FECH: variants seen among roughly 807,000 people sequenced by gnomAD.
FECH encodes ferrochelatase, also known as ferrochelatase, mitochondrial.
Under a neutral mutation model 56.9 loss-of-function variants are expected in FECH, and 40 were observed. The observed-to-expected ratio is 0.70, with a 90% CI of 0.55 to 0.92. FECH has a LOEUF of 0.92. Ranked by LOEUF, FECH falls within the 40% of genes least tolerant of loss-of-function variation. The pLI is 0.00. For synonymous variants in FECH, 175 were observed against 198.6 expected (o/e 0.88, Z 1.00); for missense variants, 431 against 529.1 (o/e 0.81, Z 1.82).
At chr18:57,563,616 T>G (rs1468274404) in intron 5 of FECH, among the ~76,000 whole-genome samples, 2 of 147,676 alleles carry the variant, frequency 1.4e-5, no homozygotes, top group Non-Finnish European at 3.0e-5. Context: ...TATGTTATTT[T>G]TTTTCCAGTT....
intron 3 of FECH, 97 bp downstream of exon 3, chr18:57,573,149 C>T (rs555837619): frequency 1.9e-5 from 22 of 1,163,254 alleles, no homozygotes; most frequent in Middle Eastern, 3.9e-4. Flanking sequence ...TTACCAGATA[C>T]GCATTAAAAC....
chr18:57,584,456 AGAAAT>A (rs2122377353), intron 1 of FECH, among the ~76,000 whole-genome samples: 1 of 152,272 alleles, frequency 6.6e-6, no homozygotes, highest in African/African-American at 2.4e-5. Context: ...TGTTGCAAAA[AGAAAT>A]AAAGAAAAAG....
chr18:57,574,914 C>T (rs2051162538), intron 2 of FECH, among the ~76,000 whole-genome samples: 2 of 152,184 alleles, frequency 1.3e-5, no homozygotes, highest in South Asian at 4.1e-4. Context: ...AGGCAGGAAA[C>T]CATCACGACT....
chr18:57,577,491 A>G (rs574864963), intron 2 of FECH, among the ~76,000 whole-genome samples: 1 of 152,328 alleles, frequency 6.6e-6, no homozygotes, highest in Admixed American at 6.5e-5. Context: ...ATTAAGCAGC[A>G]CAATGCCTTC....
At chr18:57,561,277 T>G (rs1169134600) in intron 6 of FECH, among the ~76,000 whole-genome samples, 1 of 152,232 alleles carries the variant, frequency 6.6e-6, no homozygotes, top group East Asian at 1.9e-4. Flanking sequence ...AATTTGTAGT[T>G]TTAAACTATA....
intron 4 of FECH, among the ~76,000 whole-genome samples, chr18:57,570,960 A>G (rs183333470): frequency 6.6e-6 from 1 of 152,372 alleles, no homozygotes; most frequent in African/African-American, 2.4e-5. Flanking sequence ...TGTGGCTTCC[A>G]TGATAGCTAG....
chr18:57,568,824 T>C (rs988973771), intron 4 of FECH, among the ~76,000 whole-genome samples: 1 of 152,250 alleles, frequency 6.6e-6, no homozygotes, highest in Non-Finnish European at 1.5e-5. Flanking sequence ...TTGAAATATG[T>C]AGCAAATGCT....
intron 2 of FECH, among the ~76,000 whole-genome samples, chr18:57,575,598 A>G (rs1310898298): frequency 6.6e-6 from 1 of 152,154 alleles, no homozygotes; most frequent in African/African-American, 2.4e-5. Flanking sequence ...ACATGCCTCC[A>G]TGCCTGGCTA....
chr18:57,576,585 A>G (rs892735852), intron 2 of FECH, among the ~76,000 whole-genome samples: 1 of 152,236 alleles, frequency 6.6e-6, no homozygotes, highest in Admixed American at 6.5e-5. Flanking sequence ...AGACGGTATC[A>G]GTGTGCAAAC....
At chr18:57,583,105 C>G (rs2051311124) in intron 1 of FECH, among the ~76,000 whole-genome samples, 1 of 152,132 alleles carries the variant, frequency 6.6e-6, no homozygotes, top group Non-Finnish European at 1.5e-5. Context: ...CCAAGGGACC[C>G]TTTCCACTCA....
At chr18:57,576,365 T>C (rs1373333547) in intron 2 of FECH, among the ~76,000 whole-genome samples, 1 of 152,226 alleles carries the variant, frequency 6.6e-6, no homozygotes, top group Non-Finnish European at 1.5e-5. Flanking sequence ...TTTTCTTTCC[T>C]TGATATTTGA....
intron 2 of FECH, among the ~76,000 whole-genome samples, chr18:57,578,958 CA>C (rs201597895): frequency 2.0e-4 from 28 of 139,216 alleles, no homozygotes; most frequent in Non-Finnish European, 3.1e-4. Context: ...GACTCCCTCT[CA>C]AAAAAAAAAT....
rs1401010602 is a variant in FECH, at chr18:57,546,372, C to A, written c.*4340G>T. Among the ~76,000 whole-genome samples the A allele has an allele frequency of 6.8e-6, 1 of 147,876 alleles. No homozygotes were observed. The highest frequency in any genetic ancestry group is 2.5e-5 in the African/African-American group (1 of 39,892). On this transcript the variant is annotated 3_prime_UTR_variant, in exon 11 of 11. Coordinates refer to ENST00000262093, the MANE Select transcript of FECH (RefSeq NM_000140.5). Reference sequence around the variant, plus strand: ...ATCGACAGGAGCTCATACGGCAGAGCCCCTAGGAATGCAGGTGCCCCCAGT... The same window carrying A: ...ATCGACAGGAGCTCATACGGCAGAGACCCTAGGAATGCAGGTGCCCCCAGT...
intron 3 of FECH, among the ~76,000 whole-genome samples, chr18:57,572,371 T>G (rs929735625): frequency 6.6e-6 from 1 of 151,464 alleles, no homozygotes; most frequent in African/African-American, 2.4e-5. Context: ...ATGAGAACAC[T>G]TGGACACAGG....
chr18:57,582,730 G>A (rs1250630280), intron 1 of FECH, among the ~76,000 whole-genome samples: 6 of 145,628 alleles, frequency 4.1e-5, no homozygotes, highest in African/African-American at 1.0e-4. Flanking sequence ...TGGCTAACAC[G>A]GTGAAACCCC....
chr18:57,580,033 A>G (rs757180032), intron 2 of FECH, 40 bp downstream of exon 2: 1 of 1,613,090 alleles, frequency 6.2e-7, no homozygotes, highest in Non-Finnish European at 8.5e-7. Context: ...CTGCATCGAT[A>G]AAGAGAAATT....
chr18:57,555,050 C>A (rs2050851628), intron 7 of FECH, 98 bp from the exon 8 acceptor site: 7 of 913,668 alleles, frequency 7.7e-6, no homozygotes, highest in Non-Finnish European at 1.3e-5. Flanking sequence ...TGGAACAAAG[C>A]CCTCCCTTTC....
At chr18:57,574,419 G>A (rs2051157116) in intron 2 of FECH, among the ~76,000 whole-genome samples, 1 of 152,158 alleles carries the variant, frequency 6.6e-6, no homozygotes, top group African/African-American at 2.4e-5. Flanking sequence ...GATAATTCCT[G>A]CAAGAACCGG....
At position 57,586,051 on chromosome 18, in the gene FECH, T is replaced by C. The variant is rs577364131; in HGVS notation, c.67+503A>G. 1.4e-3 allele frequency: 221 copies of C among 155,796 alleles called. 2 individuals are homozygous for C. Among genetic ancestry groups the C allele is most frequent in the Non-Finnish European group, 6.7e-4 (47 of 70,106 alleles). The allele number at this position is 155,796 out of a possible 1,614,324, so 9.7% of individuals were successfully genotyped here. On this transcript the variant is annotated intron_variant, in intron 1 of 10. Transcript: ENST00000262093. ...TTCCCCAGATATCTCTAGAAAACGC[T>C]AGCCCAGGCTGCCCCACGGGGGGTC... is the stretch of plus-strand genomic sequence containing the variant.
Sources: allele counts gnomAD v4.1 joint callset (sites outside exome capture counted in the v4.1 genomes callset), GRCh38; gene constraint gnomAD v4.1.1; transcripts MANE v1.5; gene names NCBI Gene and HGNC (gene_info 2026-07-23, HGNC 2026-07-21).